The following HBS1L variants were observed in gnomAD, a reference collection of about 807,000 sequenced individuals.
HBS1L encodes the protein HBS1-like protein.
Under a neutral mutation model 88.9 loss-of-function variants are expected in HBS1L, and 55 were observed. The observed-to-expected ratio is 0.62, with a 90% CI of 0.50 to 0.77. The LOEUF (loss-of-function observed/expected upper bound fraction) is 0.77, where lower values mean the gene tolerates loss of function less well. Among genes scored for constraint, HBS1L ranks in the 30% least tolerant of loss-of-function variants. HBS1L has a pLI of 0.00. For missense variants in HBS1L, 741 were observed against 829.3 expected, an observed-to-expected ratio of 0.89 and a Z score of 1.31; for synonymous variants, 267 against 288.5, an observed-to-expected ratio of 0.93 and a Z score of 0.76.
rs1398922350 is a variant in HBS1L at position 134,961,947 on chromosome 6, C to A, written c.*3332G>T. ...GAATTTTCTACCATCACCTACCCTC[C>A]AATCTTAAAGTTTTGAATTATCTCT... On this transcript the variant is annotated 3_prime_UTR_variant, in exon 18 of 18. Transcript: ENST00000367837. The A allele has an allele frequency of 6.6e-6, 1 of 152,154 alleles. No individual in the cohort carries two copies. Among genetic ancestry groups the A allele is most frequent in the East Asian group, 1.9e-4 (1 of 5,194 alleles). 9.4% of individuals were successfully genotyped at this position (152,154 alleles called of 1,614,324 possible). A position where few individuals can be genotyped will look rare whatever the true frequency, so the allele number is the denominator to read the frequency against.
At chr6:135,049,366 C>T (rs1027774328) in intron 2 of HBS1L, among the ~76,000 whole-genome samples, 6 of 152,252 alleles carry the variant, frequency 3.9e-5, no homozygotes, top group African/African-American at 1.2e-4. Context: ...AGGGCCCCAC[C>T]TCCTAATACC....
chr6:135,040,630 G>A (rs889635335), intron 3 of HBS1L, among the ~76,000 whole-genome samples: 2 of 151,870 alleles, frequency 1.3e-5, no homozygotes, highest in Admixed American at 6.6e-5. Flanking sequence ...GATTACAAGC[G>A]TGAGCCACCG....
chr6:134,998,327 C>T (rs1775349450), intron 5 of HBS1L, among the ~76,000 whole-genome samples: 1 of 152,178 alleles, frequency 6.6e-6, no homozygotes, highest in Non-Finnish European at 1.5e-5. Context: ...CAAGACTGCC[C>T]AGCTTAACTT....
intron 4 of HBS1L, chr6:135,027,026 T>C (rs1776246107): frequency 6.6e-6 from 1 of 151,352 alleles, no homozygotes. Context: ...ATCCCATCTC[T>C]ACTAAAAATA....
At chr6:135,009,739 T>C (rs1775719554) in intron 4 of HBS1L, among the ~76,000 whole-genome samples, 1 of 151,982 alleles carries the variant, frequency 6.6e-6, no homozygotes, top group Admixed American at 6.6e-5. Flanking sequence ...GTTCACGCCA[T>C]TCTCCGACCT....
At chr6:134,984,489 A>G (rs1774923304) in intron 12 of HBS1L, among the ~76,000 whole-genome samples, 1 of 152,170 alleles carries the variant, frequency 6.6e-6, no homozygotes, top group African/African-American at 2.4e-5. Context: ...GGGACGCGTC[A>G]GGGCATGTGC....
intron 15 of HBS1L, among the ~76,000 whole-genome samples, chr6:134,976,229 T>C (rs1352417136): frequency 1.3e-5 from 2 of 152,176 alleles, no homozygotes; most frequent in East Asian, 3.9e-4. Flanking sequence ...CCAGCCAGAA[T>C]GGCCATTATT....
chr6:135,039,612 T>C lies in HBS1L; in HGVS notation c.391A>G (p.Lys131Glu), dbSNP rs1195480960. ...CCTGTAGATACTGTTGCCTCATTCT[T>C]GTCCTTCAAACTCTGCACTCTATCT... The part of the protein sequence containing the change: ...EQDRVQSLKD[K>E]NEATVSTGKI... Residue 131 changes from lysine to glutamate, a missense_variant, in exon 4 of 18, where the codon AAG becomes GAG. Lys to Glu is a moderately conservative substitution (Grantham distance 56, BLOSUM62 1). Around this residue, in one of 3 missense-constraint regions of HBS1L, gnomAD observed 556 missense variants for 598.4 expected, o/e 0.93. Coordinates refer to ENST00000367837, the MANE Select transcript of HBS1L (RefSeq NM_006620.4). The C allele has an allele frequency of 1.2e-6, 2 of 1,614,130 alleles. No individual in the cohort carries two copies. Among genetic ancestry groups the C allele is most frequent in the South Asian group, 2.2e-5 (2 of 91,072 alleles).
intron 4 of HBS1L, among the ~76,000 whole-genome samples, chr6:135,009,034 C>T (rs1775690940): frequency 6.6e-6 from 1 of 152,166 alleles, no homozygotes; most frequent in Non-Finnish European, 1.5e-5. Context: ...TACCAGCTAC[C>T]TCCCAAAGTT....
At chr6:135,035,324 C>T (rs1253910096) in intron 4 of HBS1L, among the ~76,000 whole-genome samples, 1 of 151,728 alleles carries the variant, frequency 6.6e-6, no homozygotes, top group Non-Finnish European at 1.5e-5. Flanking sequence ...GTGACATGCA[C>T]CTGTAGTCCC....
chr6:134,977,422 CTTG>C (rs1774680207), intron 15 of HBS1L, among the ~76,000 whole-genome samples: 2 of 151,960 alleles, frequency 1.3e-5, no homozygotes, highest in South Asian at 2.1e-4. Flanking sequence ...CAACAATTAA[CTTG>C]TTGTTACTTG....
Position 134,969,338 on chromosome 6 carries a change from C to T in HBS1L, c.1798G>A (p.Val600Met), listed in dbSNP as rs759870571. 1 of 1,597,924 alleles carries T rather than the reference C, an allele frequency of 6.3e-7. No homozygotes were observed. The highest frequency in any genetic ancestry group is 1.3e-5 in the African/African-American group (1 of 74,470). Residue 600 changes from valine (V) to methionine (M), a missense_variant and splice_region_variant, in exon 16 of 18, where the codon GTG (valine) becomes ATG (methionine). By Grantham distance (21) the Val-to-Met change is conservative (BLOSUM62 1). Coordinates refer to ENST00000367837, the MANE Select transcript of HBS1L (RefSeq NM_006620.4). ...CTGACAGTTTGGTAGTGTAACAGCA[C>T]CTAAAACAAAAAATTATAACACTAA... is the stretch of plus-strand genomic sequence containing the variant. ...IEIPITKGFP[V>M]LLHYQTVSEP... is the part of the protein sequence containing the mutation.
At chr6:134,984,120 T>C (rs1174000313) in intron 12 of HBS1L, among the ~76,000 whole-genome samples, 1 of 152,116 alleles carries the variant, frequency 6.6e-6, no homozygotes, top group African/African-American at 2.4e-5. Flanking sequence ...GAAAGTACAG[T>C]CAGCAAACAC....
chr6:135,053,198 A>T (rs1173603609), intron 1 of HBS1L, among the ~76,000 whole-genome samples: 2 of 152,150 alleles, frequency 1.3e-5, no homozygotes, highest in African/African-American at 4.8e-5. Context: ...ATCCTGCTTA[A>T]ATTCCCCCCA....
At chr6:135,026,146 TAATA>T (rs1776221116) in intron 4 of HBS1L, among the ~76,000 whole-genome samples, 1 of 152,248 alleles carries the variant, frequency 6.6e-6, no homozygotes, top group East Asian at 1.9e-4. Context: ...AAAAACTGTT[TAATA>T]AATTGTTTAA....
chr6:135,039,455 T>C (rs1355294736), intron 4 of HBS1L, 118 bp downstream of exon 4: 1 of 805,126 alleles, frequency 1.2e-6, no homozygotes, highest in African/African-American at 1.8e-5. Flanking sequence ...AACAATAACA[T>C]GCAAGATTTT....
chr6:135,037,820 G>C (rs1368421596), intron 4 of HBS1L: 11 of 1,546,818 alleles, frequency 7.1e-6, no homozygotes, highest in African/African-American at 1.4e-5. Flanking sequence ...CATGATTCTA[G>C]TTTCTTTTCA....
chr6:135,043,133 A>C (rs1479508427), intron 2 of HBS1L, among the ~76,000 whole-genome samples: 2 of 152,246 alleles, frequency 1.3e-5, no homozygotes, highest in African/African-American at 4.8e-5. Flanking sequence ...AATGAAATAC[A>C]AGTGAGCAAA....
In HBS1L at chr6:134,985,361, C is replaced by A; in HGVS notation, c.1472G>T (p.Cys491Phe). ...CTTACCTTTGAAAACATCGGACACACATAATCTAAAAGGTTTGTCAATAGA... is the reference window on the plus strand; with the variant it reads ...CTTACCTTTGAAAACATCGGACACAAATAATCTAAAAGGTTTGTCAATAGA... Reference protein sequence around the residue: ...QRSIDKPFRLCVSDVFKDQGS... With the variant: ...QRSIDKPFRLFVSDVFKDQGS... The change falls in exon 12 of 18, where the codon TGT becomes TTT. Residue 491 changes from cysteine (C) to phenylalanine (F), a missense_variant. Cys to Phe is a radical substitution (Grantham distance 205). Around this residue, in one of 3 missense-constraint regions of HBS1L, gnomAD observed 556 missense variants for 598.4 expected, o/e 0.93. Transcript: ENST00000367837. 1.2e-6 allele frequency: 2 copies of A among 1,606,464 alleles called. No homozygotes were observed. The highest frequency in any genetic ancestry group is 8.5e-7 in the Non-Finnish European group (1 of 1,176,588).
Sources: gnomAD v4.1 joint callset for allele counts (sites outside exome capture counted in the v4.1 genomes callset) on GRCh38, gnomAD v4.1.1 for gene constraint, gnomAD v4.1.1 regional missense constraint, MANE v1.5 for transcripts, NCBI Gene and HGNC (gene_info 2026-07-23, HGNC 2026-07-21) for gene names.